BEST3: variants seen among roughly 807,000 people sequenced by gnomAD.
BEST3 encodes the protein bestrophin 3.
In BEST3, 50 loss-of-function variants were observed where a neutral mutation model predicts 47.1. That is an observed-to-expected ratio of 1.06 (90% CI 0.85 to 1.34). The LOEUF is 1.34. BEST3 is among the 40% of genes most tolerant of loss of function. The pLI is 0.00. For missense variants in BEST3, 765 were observed against 817.0 expected (o/e 0.94, Z 0.78); for synonymous variants, 282 against 298.8 (o/e 0.94, Z 0.58).
rs1417611510 is a variant in BEST3, at chr12:69,697,705, G to A, written c.94C>T (p.Leu32=). The stretch of plus-strand genomic sequence containing the variant: ...GCAAAAACAATAAATTCCCTGTACA[G>A]TAGTTTGTAGATGCTGCCTCTCCAC... ...LKWRGSIYKL[L]YREFIVFAVL... is the part of the protein sequence containing the mutation. Residue 32 remains leucine (L), a synonymous_variant, in exon 2 of 10, where the codon CTG becomes TTG. Transcript: ENST00000330891. 2 of 1,612,920 alleles carry A rather than the reference G, an allele frequency of 1.2e-6. No homozygotes were observed. The highest frequency in any genetic ancestry group is 8.5e-7 in the Non-Finnish European group (1 of 1,179,340).
intron 9 of BEST3, among the ~76,000 whole-genome samples, chr12:69,662,976 A>T (rs948631070): frequency 5.3e-5 from 8 of 152,320 alleles, no homozygotes; most frequent in South Asian, 2.1e-4. Context: ...CAGAATTTCA[A>T]ATCCTTTAGC....
At chr12:69,676,261 G>A (rs1340783134) in intron 7 of BEST3, among the ~76,000 whole-genome samples, 1 of 151,936 alleles carries the variant, frequency 6.6e-6, no homozygotes, top group Non-Finnish European at 1.5e-5. Flanking sequence ...TTGAAAATGG[G>A]GTACATTTAG....
Position 69,655,125 on chromosome 12 carries a change from C to T in BEST3, c.1789G>A (p.Gly597Arg). ...TTTCCCAGGGAAGTGTGGCTGGACC[C>T]CAGGAATCCCGGAAGACTCCACCTT... ...LKRWSLPGFL[G>R]SSHTSLGNLS... The change falls in exon 10 of 10, where the codon GGG becomes AGG. Residue 597 changes from glycine to arginine, a missense_variant. Gly to Arg is a moderately radical substitution (Grantham distance 125). Coordinates refer to ENST00000330891, the MANE Select transcript of BEST3 (RefSeq NM_032735.3). 6.2e-7 allele frequency: 1 copy of T among 1,614,126 alleles called. No homozygotes were observed. The highest frequency in any genetic ancestry group is 8.5e-7 in the Non-Finnish European group (1 of 1,180,022).
chr12:69,689,020 T>A, intron 4 of BEST3: 1 of 840,254 alleles, frequency 1.2e-6, no homozygotes, highest in Non-Finnish European at 1.4e-6. Context: ...AGGTCCCTCG[T>A]GCCCTTAACC....
chr12:69,690,265 T>A (rs1306284678), intron 4 of BEST3, among the ~76,000 whole-genome samples: 2 of 152,202 alleles, frequency 1.3e-5, no homozygotes, highest in East Asian at 3.8e-4. Context: ...GCAGAAACAT[T>A]GGTAGCTGAG....
At chr12:69,666,464 C>CA (rs922649764) in intron 9 of BEST3, among the ~76,000 whole-genome samples, 4 of 152,208 alleles carry the variant, frequency 2.6e-5, no homozygotes, top group African/African-American at 9.7e-5. Context: ...CCCTAACATG[C>CA]AAAACCTATG....
rs935219987 is a variant in BEST3, at chr12:69,693,766, C to T, written c.389G>A (p.Arg130His). 6.2e-7 allele frequency: 1 copy of T among 1,614,136 alleles called. No individual in the cohort carries two copies. The highest frequency in any genetic ancestry group is 8.5e-7 in the Non-Finnish European group (1 of 1,180,024). ...GAGCAGGGAGGTGAGATTGACGTAGCGCATCAGCGTCCTTCTAAGCAGGCG... is the reference window on the plus strand; with the variant it reads ...GAGCAGGGAGGTGAGATTGACGTAGTGCATCAGCGTCCTTCTAAGCAGGCG... The part of the protein sequence containing the change: ...HGRLLRRTLM[R>H]YVNLTSLLIF... Residue 130 changes from arginine to histidine, a missense_variant, in exon 4 of 10, where the codon CGC becomes CAC. Arg to His is a conservative substitution (Grantham distance 29). Transcript: ENST00000330891.
intron 7 of BEST3, among the ~76,000 whole-genome samples, chr12:69,674,128 A>G (rs1163177145): frequency 6.6e-6 from 1 of 152,036 alleles, no homozygotes; most frequent in Non-Finnish European, 1.5e-5. Flanking sequence ...TTTTACATTG[A>G]GTCTAGATGG....
In BEST3 at chr12:69,654,869, A is replaced by C; in HGVS notation, c.*38T>G. ...AATATGCTGCTTTTGGGGAGGTAAG[A>C]ATCTAGGCTAGAACCAGGTCCTAGA... is the stretch of plus-strand genomic sequence containing the variant. On this transcript the variant is annotated 3_prime_UTR_variant, in exon 10 of 10. Transcript: ENST00000330891. The C allele has an allele frequency of 1.3e-6, 2 of 1,572,488 alleles. No homozygotes were observed. The highest frequency in any genetic ancestry group is 1.7e-6 in the Non-Finnish European group (2 of 1,160,088).
At chr12:69,673,077 G>A (rs1418609610) in intron 7 of BEST3, 112 bp from the exon 8 acceptor site, 11 of 751,894 alleles carry the variant, frequency 1.5e-5, no homozygotes, top group African/African-American at 1.1e-4. Context: ...TTTCTAATAC[G>A]AAGAGTAGAG....
chr12:69,698,264 T>C (rs1486832244), intron 1 of BEST3, among the ~76,000 whole-genome samples: 1 of 152,174 alleles, frequency 6.6e-6, no homozygotes, highest in East Asian at 1.9e-4. Context: ...TAGTGATAAA[T>C]AAGAATGGTG....
chr12:69,694,070 C>T, intron 3 of BEST3, 163 bp from the exon 4 acceptor site: 1 of 617,666 alleles, frequency 1.6e-6, no homozygotes, highest in Non-Finnish European at 2.8e-6. Context: ...GTCATTTGTG[C>T]CTGGCAATGC....
At chr12:69,689,592 A>T (rs1342229599) in intron 4 of BEST3, among the ~76,000 whole-genome samples, 1 of 152,194 alleles carries the variant, frequency 6.6e-6, no homozygotes. Context: ...TTGAGAAAAT[A>T]CTTAGGAATT....
chr12:69,664,693 T>C (rs1884080347), intron 9 of BEST3, among the ~76,000 whole-genome samples: 1 of 147,360 alleles, frequency 6.8e-6, no homozygotes, highest in African/African-American at 2.5e-5. Flanking sequence ...ATATTATATT[T>C]ATATATTATA....
At chr12:69,651,786 G>GAAAAAAA (rs5798944), downstream of BEST3, among the ~76,000 whole-genome samples, 3 of 97,150 alleles carry the variant, frequency 3.1e-5, no homozygotes, top group Non-Finnish European at 7.4e-5. Flanking sequence ...AAAAAAAAAA[G>GAAAAAAA]AAAAAAAAAA....
At chr12:69,666,842 T>C (rs189934083) in intron 9 of BEST3, among the ~76,000 whole-genome samples, 1 of 152,346 alleles carries the variant, frequency 6.6e-6, no homozygotes, top group Non-Finnish European at 1.5e-5. Context: ...CTCTCATCTT[T>C]GGTTTATTAC....
chr12:69,686,440 AAAAACAGCCTCAAG>A (rs1299911193), intron 4 of BEST3, among the ~76,000 whole-genome samples: 2 of 152,126 alleles, frequency 1.3e-5, no homozygotes, highest in East Asian at 1.9e-4. Context: ...ATTAGTCCCA[AAAAACAGCCTCAAG>A]AAAACAGGAC....
exon 10 of BEST3, chr12:69,643,619 T>C (rs919569835): frequency 2.0e-5 from 12 of 587,376 alleles, no homozygotes; most frequent in South Asian, 4.5e-5. Context: ...TGTTTTTCAG[T>C]TGAGCAGCAG....
chr12:69,654,870 A>G lies in BEST3; in HGVS notation c.*37T>C, dbSNP rs1488604332. On this transcript the variant is annotated 3_prime_UTR_variant, in exon 10 of 10. Transcript: ENST00000330891. ...ATATGCTGCTTTTGGGGAGGTAAGAATCTAGGCTAGAACCAGGTCCTAGAA... is the reference window on the plus strand; with the variant it reads ...ATATGCTGCTTTTGGGGAGGTAAGAGTCTAGGCTAGAACCAGGTCCTAGAA... The G allele has an allele frequency of 1.3e-6, 2 of 1,576,430 alleles. No individual in the cohort carries two copies. The highest frequency in any genetic ancestry group is 1.7e-6 in the Non-Finnish European group (2 of 1,161,642).
Sources: gnomAD v4.1 joint callset for allele counts (sites outside exome capture counted in the v4.1 genomes callset) on GRCh38, gnomAD v4.1.1 for gene constraint, MANE v1.5 for transcripts, NCBI Gene and HGNC (gene_info 2026-07-23, HGNC 2026-07-21) for gene names.